The following HDAC9 variants were observed in gnomAD, a reference collection of about 807,000 sequenced individuals.
HDAC9 encodes the protein histone deacetylase 9, also known as MEF-2 interacting transcription repressor (MITR) protein.
A neutral mutation model predicts 139.4 loss-of-function variants in HDAC9; 41 were observed. The observed-to-expected ratio is 0.29, with a 90% confidence interval of 0.23 to 0.38. The LOEUF is 0.38. Among genes scored for constraint, HDAC9 ranks in the 10% least tolerant of loss-of-function variants. The pLI is 1.00. For synonymous variants in HDAC9, 517 were observed against 476.2 expected, an observed-to-expected ratio of 1.09 and a Z score of -1.12; for missense variants, 1,147 against 1,297.0, an observed-to-expected ratio of 0.88 and a Z score of 1.78.
chr7:18,565,826 T>TAAG (rs1822151253), intron 2 of HDAC9, among the ~76,000 whole-genome samples: 1 of 152,012 alleles, frequency 6.6e-6, no homozygotes, highest in South Asian at 2.1e-4. Context: ...AAAAGTATTC[T>TAAG]AAGATATTTA....
At chr7:18,539,860 A>C (rs1812180408) in intron 2 of HDAC9, among the ~76,000 whole-genome samples, 1 of 152,142 alleles carries the variant, frequency 6.6e-6, no homozygotes, top group Admixed American at 6.6e-5. Flanking sequence ...AGGACACCAA[A>C]AATGTCAATT....
chr7:18,651,836 T>C (rs182385699), intron 11 of HDAC9, among the ~76,000 whole-genome samples: 1 of 152,136 alleles, frequency 6.6e-6, no homozygotes, highest in Admixed American at 6.6e-5. Context: ...TTCAAGGGCT[T>C]AGCAGAAATA....
chr7:18,364,341 C>T (rs1244722287), intron 1 of HDAC9, among the ~76,000 whole-genome samples: 1 of 151,906 alleles, frequency 6.6e-6, no homozygotes, highest in Non-Finnish European at 1.5e-5. Context: ...ATAAGGTCTG[C>T]GGCACCGGCA....
At chr7:18,434,046 G>C (rs1366005175) in intron 1 of HDAC9, among the ~76,000 whole-genome samples, 1 of 152,234 alleles carries the variant, frequency 6.6e-6, no homozygotes, top group East Asian at 1.9e-4. Flanking sequence ...AAAACAGCAT[G>C]GTACTGGTAC....
intron 17 of HDAC9, among the ~76,000 whole-genome samples, chr7:18,803,267 A>G (rs1029054101): frequency 6.6e-6 from 1 of 152,118 alleles, no homozygotes; most frequent in African/African-American, 2.4e-5. Context: ...ATTTTAAAGC[A>G]ATAGTCATGT....
At chr7:18,180,176 AC>A (rs1308959416) in intron 2 of HDAC9, among the ~76,000 whole-genome samples, 2 of 150,380 alleles carry the variant, frequency 1.3e-5, no homozygotes, top group Non-Finnish European at 3.0e-5. Flanking sequence ...ATGTGTTTTT[AC>A]ACTGTTTGTC....
intron 1 of HDAC9, among the ~76,000 whole-genome samples, chr7:18,348,766 A>G (rs912691591): frequency 5.3e-5 from 8 of 152,128 alleles, no homozygotes; most frequent in Admixed American, 1.3e-4. Context: ...TTAAACTCAC[A>G]TATTTCAACT....
At chr7:18,754,572 A>G (rs1030533141) in intron 14 of HDAC9, among the ~76,000 whole-genome samples, 20 of 152,158 alleles carry the variant, frequency 1.3e-4, no homozygotes, top group African/African-American at 4.3e-4. Flanking sequence ...TGTGACTAAT[A>G]TTGAATAACT....
At chr7:18,227,567 C>T (rs962665828) in intron 2 of HDAC9, among the ~76,000 whole-genome samples, 5 of 152,048 alleles carry the variant, frequency 3.3e-5, no homozygotes, top group Non-Finnish European at 7.4e-5. Flanking sequence ...TTGTTATCAA[C>T]ATTCTTAGGT....
intron 1 of HDAC9, among the ~76,000 whole-genome samples, chr7:18,432,025 G>A (rs1443687828): frequency 1.3e-5 from 2 of 152,292 alleles, no homozygotes; most frequent in East Asian, 3.9e-4. Context: ...GAAGTGTCCT[G>A]AATAAAACAG....
At chr7:18,827,129 A>T (rs925935495) in intron 17 of HDAC9, among the ~76,000 whole-genome samples, 4 of 151,712 alleles carry the variant, frequency 2.6e-5, no homozygotes, top group African/African-American at 9.7e-5. Context: ...TTAAAAATAA[A>T]ATAACCCACA....
rs17140166 is a variant in HDAC9 at position 18,874,586 on chromosome 7, G to A, written c.2793G>A (p.Val931=). The A allele has an allele frequency of 3.8e-6, 6 of 1,577,444 alleles. No homozygotes were observed. Among genetic ancestry groups the A allele is most frequent in the Non-Finnish European group, 5.2e-6 (6 of 1,157,084 alleles). The part of the protein sequence containing the change: ...GHTPPLGGYK[V]TAKCFGHLTK... ...CCCCTCCTCTAGGAGGGTACAAAGTGACGGCAAAATGTAAGTACCTCTTTC... is the reference window on the plus strand; with the variant it reads ...CCCCTCCTCTAGGAGGGTACAAAGTAACGGCAAAATGTAAGTACCTCTTTC... The change falls in exon 22 of 26, where the codon GTG becomes GTA. Residue 931 remains valine, a synonymous_variant. Coordinates refer to ENST00000686413, the MANE Select transcript of HDAC9 (RefSeq NM_178425.4).
At chr7:18,093,910 C>T (rs1337036124) in intron 1 of HDAC9, among the ~76,000 whole-genome samples, 1 of 152,116 alleles carries the variant, frequency 6.6e-6, no homozygotes, top group African/African-American at 2.4e-5. Context: ...TTCCATTGAT[C>T]AGAATCATTG....
At chr7:18,603,559 C>T (rs1217681609) in intron 6 of HDAC9, among the ~76,000 whole-genome samples, 4 of 152,062 alleles carry the variant, frequency 2.6e-5, no homozygotes, top group African/African-American at 9.7e-5. Context: ...ACAGGTCATA[C>T]AGGTACCTTA....
At chr7:18,148,210 A>G (rs1024952168) in intron 1 of HDAC9, among the ~76,000 whole-genome samples, 2 of 152,190 alleles carry the variant, frequency 1.3e-5, no homozygotes, top group African/African-American at 2.4e-5. Flanking sequence ...TAGATGAGAA[A>G]TCTGACATGG....
At chr7:18,728,295 T>C (rs149454593) in intron 13 of HDAC9, among the ~76,000 whole-genome samples, 1 of 152,250 alleles carries the variant, frequency 6.6e-6, no homozygotes, top group East Asian at 1.9e-4. Context: ...GGGTGGGCTT[T>C]TCGACCAACC....
chr7:18,904,810 C>T (rs566763359), intron 22 of HDAC9, among the ~76,000 whole-genome samples: 3 of 152,042 alleles, frequency 2.0e-5, no homozygotes, highest in African/African-American at 4.8e-5. Context: ...CTCCTGACCT[C>T]GTGATCCGCC....
intron 13 of HDAC9, among the ~76,000 whole-genome samples, chr7:18,730,782 G>T (rs1481611881): frequency 6.6e-6 from 1 of 152,128 alleles, no homozygotes; most frequent in Non-Finnish European, 1.5e-5. Context: ...GTAGAGCTTA[G>T]CAACTTTAGC....
At chr7:18,521,426 G>T (rs556326899) in intron 2 of HDAC9, among the ~76,000 whole-genome samples, 4 of 152,102 alleles carry the variant, frequency 2.6e-5, no homozygotes, top group African/African-American at 9.7e-5. Flanking sequence ...GATGCCTTGC[G>T]ATTTGTCACA....
Sources: allele counts gnomAD v4.1 joint callset (sites outside exome capture counted in the v4.1 genomes callset), GRCh38; gene constraint gnomAD v4.1.1; transcripts MANE v1.5; gene names NCBI Gene and HGNC (gene_info 2026-07-23, HGNC 2026-07-21).